The following FASTKD5 variants were observed in gnomAD, a reference collection of about 807,000 sequenced individuals.
The protein encoded by FASTKD5 is FAST kinase domains 5, also known as non-canonical pre-mRNAs endonuclease FASTKD5, mitochondrial.
FASTKD5 carries 30 observed loss-of-function variants against 44.0 expected under a neutral mutation model. That is an observed-to-expected ratio of 0.68 (90% CI 0.51 to 0.93). The LOEUF (loss-of-function observed/expected upper bound fraction) is 0.93, where lower values mean the gene tolerates loss of function less well. Among genes scored for constraint, FASTKD5 ranks in the 40% least tolerant of loss-of-function variants. The pLI, the probability that FASTKD5 is intolerant of heterozygous loss-of-function variation, is 0.00. For synonymous variants in FASTKD5, 335 were observed against 342.2 expected, an observed-to-expected ratio of 0.98 and a Z score of 0.23; for missense variants, 868 against 908.2, an observed-to-expected ratio of 0.96 and a Z score of 0.57.
At chr20:3,152,100 CAAAAAAAAAA>C (rs60655157) in intron 1 of FASTKD5, among the ~76,000 whole-genome samples, 4 of 62,884 alleles carry the variant, frequency 6.4e-5, no homozygotes, top group Admixed American at 1.9e-4. Flanking sequence ...GACTCTGTCT[CAAAAAAAAAA>C]AAAAAAAAAA....
intron 1 of FASTKD5, among the ~76,000 whole-genome samples, chr20:3,152,477 G>A (rs913541113): frequency 1.2e-4 from 19 of 152,136 alleles, no homozygotes; most frequent in Admixed American, 2.0e-4. Flanking sequence ...ACTGCAGCCC[G>A]GGCGATAGTG....
chr20:3,151,218 T>G (rs917206481), intron 1 of FASTKD5, among the ~76,000 whole-genome samples: 1 of 152,218 alleles, frequency 6.6e-6, no homozygotes, highest in Non-Finnish European at 1.5e-5. Context: ...TGGACCATTC[T>G]GCCCACCAAA....
rs2066587103 is a variant in FASTKD5, at chr20:3,148,108, G to C, written c.963C>G (p.Ile321Met). 6.2e-7 allele frequency: 1 copy of C among 1,613,948 alleles called. No individual in the cohort carries two copies. Among genetic ancestry groups the C allele is most frequent in the Non-Finnish European group, 8.5e-7 (1 of 1,180,030 alleles). ...DLINLEEVGT[I>M]CLGFFKSSTN... The stretch of plus-strand genomic sequence containing the variant: ...TACTTGATTTAAAGAACCCCAAACA[G>C]ATGGTACCAACCTCCTCCAAATTGA... The change falls in exon 2 of 2, where the codon ATC (isoleucine) becomes ATG (methionine). Residue 321 changes from isoleucine (I) to methionine (M), a missense_variant. Ile to Met is a conservative substitution (Grantham distance 10, BLOSUM62 1). Coordinates refer to ENST00000380266, the MANE Select transcript of FASTKD5 (RefSeq NM_021826.5).
At chr20:3,156,590 T>C (rs1392115869) in intron 1 of FASTKD5, 1 of 152,020 alleles carries the variant, frequency 6.6e-6, no homozygotes, top group Non-Finnish European at 1.5e-5. Context: ...CGAAACAGAG[T>C]AGAGCCTCAG....
intron 1 of FASTKD5, among the ~76,000 whole-genome samples, chr20:3,156,425 T>C (rs1013620921): frequency 6.6e-6 from 1 of 152,142 alleles, no homozygotes; most frequent in Non-Finnish European, 1.5e-5. Context: ...GTGATCCACC[T>C]GCCTTGGCCT....
rs1250981186 is a variant in FASTKD5, at chr20:3,147,271, T to C, written c.1800A>G (p.Pro600=). ...GCGTGGCTTCTCTATTAAATGGTAA[T>C]GGCTTCAGGTTAACATCAAGCTGGA... is the stretch of plus-strand genomic sequence containing the variant. ...LEVQLDVNLK[P]LPFNREATPA... is the part of the protein sequence containing the mutation. Residue 600 remains proline, a synonymous_variant, in exon 2 of 2, where the codon CCA becomes CCG. Transcript: ENST00000380266. The C allele has an allele frequency of 6.2e-7, 1 of 1,614,258 alleles. No homozygotes were observed. The highest frequency in any genetic ancestry group is 1.1e-5 in the South Asian group (1 of 91,088).
At chr20:3,154,430 A>G (rs1347422581) in intron 1 of FASTKD5, among the ~76,000 whole-genome samples, 1 of 152,254 alleles carries the variant, frequency 6.6e-6, no homozygotes, top group East Asian at 1.9e-4. Flanking sequence ...TCCTGTAATC[A>G]TAGTACTCTG....
chr20:3,148,813 A>G lies in FASTKD5; in HGVS notation c.258T>C (p.Ser86=). 6.2e-7 allele frequency: 1 copy of G among 1,614,212 alleles called. No homozygotes were observed. The highest frequency in any genetic ancestry group is 8.5e-7 in the Non-Finnish European group (1 of 1,180,026). The change falls in exon 2 of 2, where the codon TCT becomes TCC. Residue 86 remains serine, a synonymous_variant. Coordinates refer to ENST00000380266, the MANE Select transcript of FASTKD5 (RefSeq NM_021826.5). ...PGLEFSKTSS[S]KASTLQLGSP... is the part of the protein sequence containing the mutation. ...AGCCCAGCTGCAATGTACTGGCCTT[A>G]GAGGAAGAAGTCTTGCTGAATTCCA...
intron 1 of FASTKD5, among the ~76,000 whole-genome samples, chr20:3,157,097 C>T (rs2066693405): frequency 8.2e-6 from 1 of 122,210 alleles, no homozygotes; most frequent in South Asian, 2.4e-4. Flanking sequence ...CCTGTCTCTA[C>T]CAAAAAAAAA....
rs1473879728 is a variant in FASTKD5, at chr20:3,148,969, G to A, written c.102C>T (p.Ser34=). Residue 34 remains serine (S), a synonymous_variant, in exon 2 of 2, where the codon AGC becomes AGT. Transcript: ENST00000380266. ...GGTCCTGTCCCCCATGCTGTGTGCTGCTCACATTCCAGTATGACACACTTC... is the reference window on the plus strand; with the variant it reads ...GGTCCTGTCCCCCATGCTGTGTGCTACTCACATTCCAGTATGACACACTTC... The part of the protein sequence containing the change: ...AVRSVSYWNV[S]STQHGGQDPP... 1 of 1,614,202 alleles carries A rather than the reference G, an allele frequency of 6.2e-7. No homozygotes were observed. Among genetic ancestry groups the A allele is most frequent in the South Asian group, 1.1e-5 (1 of 91,078 alleles).
rs2066565070 is a variant in FASTKD5, at chr20:3,146,567, A to C, written c.*209T>G. The C allele has an allele frequency of 3.6e-6, 2 of 553,578 alleles. No homozygotes were observed. Among genetic ancestry groups the C allele is most frequent in the East Asian group, 5.8e-5 (2 of 34,270 alleles). The allele number at this position is 553,578 out of a possible 1,614,324, so 34.3% of individuals were successfully genotyped here. On this transcript the variant is annotated 3_prime_UTR_variant, in exon 2 of 2. Coordinates refer to ENST00000380266, the MANE Select transcript of FASTKD5 (RefSeq NM_021826.5). ...AGATGTTTATTATTTACTAAGAGTA[A>C]CATGTATACATTTGCAGTAATTTGT...
intron 1 of FASTKD5, among the ~76,000 whole-genome samples, chr20:3,153,145 T>G (rs1009326225): frequency 6.6e-6 from 1 of 152,230 alleles, no homozygotes; most frequent in Non-Finnish European, 1.5e-5. Context: ...TTTAAAACAT[T>G]AAATAATTAA....
At chr20:3,156,341 A>C (rs2066685287) in intron 1 of FASTKD5, among the ~76,000 whole-genome samples, 1 of 151,662 alleles carries the variant, frequency 6.6e-6, no homozygotes, top group Non-Finnish European at 1.5e-5. Flanking sequence ...ATGCCCACCT[A>C]ATTTTTTTGT....
intron 1 of FASTKD5, among the ~76,000 whole-genome samples, chr20:3,158,858 A>G (rs2066717173): frequency 6.6e-6 from 1 of 152,258 alleles, no homozygotes; most frequent in South Asian, 2.1e-4. Flanking sequence ...TACAGAATCT[A>G]GTTCTGGAAA....
At chr20:3,152,090 G>C (rs1439608632) in intron 1 of FASTKD5, among the ~76,000 whole-genome samples, 10 of 119,270 alleles carry the variant, frequency 8.4e-5, no homozygotes, top group Non-Finnish European at 1.6e-4. Context: ...GGGTGACAGA[G>C]ACTCTGTCTC....
chr20:3,147,062 CA>C lies in FASTKD5; in HGVS notation c.2008del (p.Cys670AlafsTer3). On this transcript the variant is annotated frameshift_variant, in exon 2 of 2. Coordinates refer to ENST00000380266, the MANE Select transcript of FASTKD5 (RefSeq NM_021826.5). LOFTEE classifies it high-confidence loss of function. ...GGCCCCTGATTTATCTGCTACATTGCAAAGGAAGCCCCCCAGAGGTACAGCT... is the reference window on the plus strand; with the variant it reads ...GGCCCCTGATTTATCTGCTACATTGCAAGGAAGCCCCCCAGAGGTACAGCT... ...KAAVPLGGFL[C>X]NVADKSGAME... 1.2e-6 allele frequency: 2 copies of C among 1,614,204 alleles called. No homozygotes were observed. Among genetic ancestry groups the C allele is most frequent in the Non-Finnish European group, 1.7e-6 (2 of 1,180,040 alleles).
chr20:3,151,888 T>G (rs2066628912), intron 1 of FASTKD5: 2 of 151,338 alleles, frequency 1.3e-5, no homozygotes, highest in African/African-American at 4.8e-5. Flanking sequence ...GCAGATCACT[T>G]GAGGTCAGGA....
chr20:3,153,536 T>G (rs941934322), intron 1 of FASTKD5, among the ~76,000 whole-genome samples: 9 of 152,224 alleles, frequency 5.9e-5, no homozygotes, highest in Non-Finnish European at 1.2e-4. Context: ...AAAGACTGTC[T>G]GACTCTTCAG....
At position 3,149,192 on chromosome 20, in the gene FASTKD5, C is replaced by T; in HGVS notation, c.-122G>A. The T allele has an allele frequency of 1.9e-6, 2 of 1,073,352 alleles. No individual in the cohort carries two copies. The highest frequency in any genetic ancestry group is 2.5e-5 in the East Asian group (1 of 39,654). The allele number at this position is 1,073,352 out of a possible 1,614,324, so 66.5% of individuals were successfully genotyped here. A position where few individuals can be genotyped will look rare whatever the true frequency, so the allele number is the denominator to read the frequency against. The stretch of plus-strand genomic sequence containing the variant: ...ACGGGGAGGTGTTCCACAAAAACTG[C>T]CTGGAAATCTTCAGCATATCACAAG... On this transcript the variant is annotated 5_prime_UTR_variant, in exon 2 of 2. Transcript: ENST00000380266. The surrounding 1 kb of genome is among the most constrained non-coding windows in gnomAD (Gnocchi z 4.1).
Sources: allele counts gnomAD v4.1 joint callset (sites outside exome capture counted in the v4.1 genomes callset), GRCh38; gene constraint gnomAD v4.1.1; non-coding constraint Gnocchi (gnomAD v3.1); transcripts MANE v1.5; gene names NCBI Gene and HGNC (gene_info 2026-07-23, HGNC 2026-07-21).